NAALADL2: variants seen among roughly 807,000 people sequenced by gnomAD.
NAALADL2 encodes the protein N-acetylated alpha-linked acidic dipeptidase like 2, also known as inactive N-acetylated-alpha-linked acidic dipeptidase-like protein 2.
In NAALADL2, 76 loss-of-function variants were observed where a neutral mutation model predicts 87.2. The ratio of observed to expected loss-of-function variants is 0.87; its 90% confidence interval spans 0.72 to 1.05. NAALADL2 has a LOEUF of 1.05. Ranked by LOEUF, NAALADL2 falls within the 50% of genes least tolerant of loss-of-function variation. The probability of loss-of-function intolerance (pLI) is 0.00; values close to 1 mark genes in which losing one functional copy is unlikely to be tolerated. For missense variants in NAALADL2, 1,089 were observed against 945.8 expected, an observed-to-expected ratio of 1.15 and a Z score of -1.99; for synonymous variants, 354 against 331.0, an observed-to-expected ratio of 1.07 and a Z score of -0.75.
chr3:174,802,174 TTCTC>T (rs1718923291), intron 3 of NAALADL2, among the ~76,000 whole-genome samples: 1 of 152,036 alleles, frequency 6.6e-6, no homozygotes, highest in African/African-American at 2.4e-5. Flanking sequence ...TAATTATTGT[TTCTC>T]TATTTCTTAC....
intron 1 of NAALADL2, among the ~76,000 whole-genome samples, chr3:174,946,055 A>G (rs926352531): frequency 1.3e-5 from 2 of 151,056 alleles, no homozygotes; most frequent in Non-Finnish European, 3.0e-5. Flanking sequence ...AAAAAAAAAA[A>G]AAAAAAAAAA....
At chr3:175,486,705 A>G (rs913900784) in intron 9 of NAALADL2, among the ~76,000 whole-genome samples, 11 of 152,160 alleles carry the variant, frequency 7.2e-5, no homozygotes, top group African/African-American at 2.2e-4. Context: ...TATGAGTGCC[A>G]TAACACAGAT....
At chr3:175,392,677 A>G (rs940525490) in intron 5 of NAALADL2, among the ~76,000 whole-genome samples, 2 of 152,162 alleles carry the variant, frequency 1.3e-5, no homozygotes, top group Non-Finnish European at 2.9e-5. Flanking sequence ...GTGCACCTGC[A>G]CCATCGATTA....
chr3:175,600,687 G>A (rs1234681615), intron 10 of NAALADL2, among the ~76,000 whole-genome samples: 2 of 151,216 alleles, frequency 1.3e-5, no homozygotes, highest in African/African-American at 2.4e-5. Flanking sequence ...ACAGGCGCCC[G>A]CTACCACGCC....
At position 174,532,292 on chromosome 3, in the gene NAALADL2, A is replaced by G. The variant is rs1465096436; in HGVS notation, c.-183-18277A>G. 4.6e-5 allele frequency among the ~76,000 whole-genome samples: 7 copies of G among 152,172 alleles called. 1 individual carries two copies. In the South Asian group the frequency reaches 1.5e-3, roughly 32 times the overall value. ...TTTTTTTAGAGTGTGAAGATCCATT[A>G]CTATAACATAAAAGCAGTAAGTGAT... On this transcript the variant is annotated intron_variant, in intron 1 of 3. Coordinates refer to the NAALADL2 transcript ENST00000434257.
intron 1 of NAALADL2, among the ~76,000 whole-genome samples, chr3:175,051,397 G>A (rs565843567): frequency 4.7e-4 from 72 of 152,214 alleles, no homozygotes; most frequent in African/African-American, 1.7e-3. Flanking sequence ...ATTCAAGTCT[G>A]GACAGGCTGC....
At chr3:174,854,518 ATCAT>A (rs2109494995), upstream of NAALADL2, among the ~76,000 whole-genome samples, 1 of 152,280 alleles carries the variant, frequency 6.6e-6, no homozygotes, top group Admixed American at 6.5e-5. Context: ...ACATTTCAAA[ATCAT>A]TAAGAGTGAA....
rs190790724 is a variant in NAALADL2, at chr3:174,542,110, G to T, written c.-183-8459G>T. Among the ~76,000 whole-genome samples the T allele has an allele frequency of 2.0e-5, 3 of 152,260 alleles. No individual in the cohort carries two copies. In the East Asian group the frequency reaches 5.8e-4, roughly 29 times the overall value. The stretch of plus-strand genomic sequence containing the variant: ...ACAGCAACTTCCAGGTGTTGCCGTG[G>T]CATTTGTAAACTCTCATGGTGCTGG... On this transcript the variant is annotated intron_variant, in intron 1 of 3. Coordinates refer to the NAALADL2 transcript ENST00000434257.
intron 5 of NAALADL2, among the ~76,000 whole-genome samples, chr3:175,402,613 T>C (rs1711533888): frequency 6.6e-6 from 1 of 152,124 alleles, no homozygotes; most frequent in Non-Finnish European, 1.5e-5. Flanking sequence ...ACTAAGTATT[T>C]GTAGTCTCCA....
intron 5 of NAALADL2, among the ~76,000 whole-genome samples, chr3:175,345,280 A>C (rs1318305509): frequency 2.0e-5 from 3 of 147,466 alleles, no homozygotes; most frequent in African/African-American, 7.5e-5. Context: ...CCATGATTCC[A>C]TGGAATCATG....
At chr3:174,600,400 A>G (rs554442728) in intron 2 of NAALADL2, among the ~76,000 whole-genome samples, 67 of 152,274 alleles carry the variant, frequency 4.4e-4, no homozygotes, top group Middle Eastern at 3.4e-3. Flanking sequence ...ATATACCTTC[A>G]GTGACATATG....
At chr3:175,489,986 G>T (rs772212625) in intron 9 of NAALADL2, among the ~76,000 whole-genome samples, 4 of 152,082 alleles carry the variant, frequency 2.6e-5, no homozygotes, top group Non-Finnish European at 5.9e-5. Flanking sequence ...TTTTTAGCCA[G>T]ATGATATGGG....
chr3:175,174,737 C>T (rs1316933464), intron 2 of NAALADL2, among the ~76,000 whole-genome samples: 1 of 151,588 alleles, frequency 6.6e-6, no homozygotes, highest in Non-Finnish European at 1.5e-5. Context: ...CATGATATAA[C>T]CCAAGAGTTT....
rs116751549 is a variant in NAALADL2 at position 175,037,956 on chromosome 3, T to G, written c.44-58834T>G. ...AAACCAAAGGAAGGGAGCGTGGATT[T>G]AAAAAGCCGAAGTAAAGACTTTCTT... On this transcript the variant is annotated intron_variant, in intron 1 of 13. Transcript: ENST00000454872. Among the ~76,000 whole-genome samples, 782 of 152,206 alleles carry G rather than the reference T, an allele frequency of 5.1e-3. 5 individuals carry two copies. Among genetic ancestry groups the G allele is most frequent in the African/African-American group, 0.016 (657 of 41,542 alleles).
Position 175,078,065 on chromosome 3 carries a change from C to T in NAALADL2, c.44-18725C>T, listed in dbSNP as rs191659517. Among the ~76,000 whole-genome samples the T allele has an allele frequency of 1.4e-4, 21 of 151,514 alleles. No individual in the cohort carries two copies. In the East Asian group the frequency reaches 3.9e-3, roughly 28 times the overall value. On this transcript the variant is annotated intron_variant, in intron 1 of 13. Transcript: ENST00000454872. The stretch of plus-strand genomic sequence containing the variant: ...TTCTTGAGACAATCTCACTCCGTCA[C>T]CCAGGCTGGTGTGCAGTGGCATAAT...
At chr3:175,081,786 G>A (rs1007408824) in intron 1 of NAALADL2, among the ~76,000 whole-genome samples, 2 of 152,054 alleles carry the variant, frequency 1.3e-5, no homozygotes, top group Non-Finnish European at 2.9e-5. Flanking sequence ...CATATAGTTA[G>A]TTTTTTCTTA....
At chr3:175,007,780 A>G (rs1749233185) in intron 1 of NAALADL2, among the ~76,000 whole-genome samples, 1 of 152,154 alleles carries the variant, frequency 6.6e-6, no homozygotes, top group Non-Finnish European at 1.5e-5. Context: ...GGTTTAATTT[A>G]TAAATTAGGC....
chr3:175,457,936 A>G (rs1037926332), intron 6 of NAALADL2, among the ~76,000 whole-genome samples: 1 of 151,954 alleles, frequency 6.6e-6, no homozygotes, highest in African/African-American at 2.4e-5. Flanking sequence ...TCATTACTTA[A>G]TTAGGATTTA....
chr3:174,639,159 A>C (rs914103394), intron 2 of NAALADL2, among the ~76,000 whole-genome samples: 5 of 152,268 alleles, frequency 3.3e-5, no homozygotes, highest in Non-Finnish European at 7.4e-5. Context: ...AATTTTTGAC[A>C]ATTCCCGTGG....
Sources: gnomAD v4.1 joint callset for allele counts (sites outside exome capture counted in the v4.1 genomes callset) on GRCh38, gnomAD v4.1.1 for gene constraint, MANE v1.5 for transcripts, NCBI Gene and HGNC (gene_info 2026-07-23, HGNC 2026-07-21) for gene names.